B4GALT2: variants seen among roughly 807,000 people sequenced by gnomAD.
The protein encoded by B4GALT2 is beta-1,4-galactosyltransferase 2.
B4GALT2 carries 18 observed loss-of-function variants against 33.2 expected under a neutral mutation model. The observed-to-expected ratio is 0.54, with a 90% CI of 0.38 to 0.80. The LOEUF is 0.80. B4GALT2 is among the 30% of genes least tolerant of loss of function. The probability of loss-of-function intolerance (pLI) is 0.00; values close to 1 mark genes in which losing one functional copy is unlikely to be tolerated. For synonymous variants in B4GALT2, 214 were observed against 217.6 expected, an observed-to-expected ratio of 0.98 and a Z score of 0.15; for missense variants, 404 against 526.2, an observed-to-expected ratio of 0.77 and a Z score of 2.27.
chr1:43,980,228 C>T, intron 1 of B4GALT2: 1 of 646,034 alleles, frequency 1.5e-6, no homozygotes, highest in Non-Finnish European at 2.4e-6. Flanking sequence ...GGAACCACAG[C>T]TGGAGCCATC....
At chr1:43,985,713 A>G in intron 6 of B4GALT2, 92 bp downstream of exon 6, 1 of 1,219,566 alleles carries the variant, frequency 8.2e-7, no homozygotes, top group Non-Finnish European at 1.2e-6. Context: ...CTGATCCCCC[A>G]GTGGGGGACC....
At chr1:43,980,040 CTTGT>C (rs978307008) in intron 1 of B4GALT2, 3 of 1,515,212 alleles carry the variant, frequency 2.0e-6, no homozygotes, top group African/African-American at 2.8e-5. Flanking sequence ...GAGCAGTGGC[CTTGT>C]TTGTGAGTGT....
chr1:43,985,429 TGGGTGGGGGG>T, intron 5 of B4GALT2, 29 bp downstream of exon 5: 1 of 184,688 alleles, frequency 5.4e-6, no homozygotes, highest in Non-Finnish European at 8.7e-6. Context: ...GGGAATAGGC[TGGGTGGGGGG>T]GGGAGGGGGG....
At chr1:43,986,066 G>A (rs542293401) in intron 6 of B4GALT2, 2 of 183,982 alleles carry the variant, frequency 1.1e-5, no homozygotes, top group South Asian at 2.2e-4. Flanking sequence ...ATGGGAAGGG[G>A]GTGTGGAAAG....
rs1273893059 is a variant in B4GALT2 at position 43,990,829 on chromosome 1, G to A, written c.*381G>A. The A allele has an allele frequency of 1.2e-5, 3 of 247,606 alleles. No individual in the cohort carries two copies. The highest frequency in any genetic ancestry group is 2.4e-5 in the Non-Finnish European group (3 of 124,124). The allele number at this position is 247,606 out of a possible 1,614,324, so 15.3% of individuals were successfully genotyped here. A position where few individuals can be genotyped will look rare whatever the true frequency, so the allele number is the denominator to read the frequency against. On this transcript the variant is annotated 3_prime_UTR_variant, in exon 7 of 7. Coordinates refer to ENST00000372324, the MANE Select transcript of B4GALT2 (RefSeq NM_003780.5). ...CCCCTAGGGCCTGGAAGGGTGGGAGGTATGTCTAGGGGGCAGTGTCTCTTC... is the reference window on the plus strand; with the variant it reads ...CCCCTAGGGCCTGGAAGGGTGGGAGATATGTCTAGGGGGCAGTGTCTCTTC...
chr1:43,981,256 T>C lies in B4GALT2; in HGVS notation c.96T>C (p.Phe32=), dbSNP rs376991548. ...TCCTCGTGGCCGTCATCCTCTACTT[T>C]GACGTCTACGCCCAGCACCTGGCCT... ...LHFLVAVILY[F]DVYAQHLAFF... Residue 32 remains phenylalanine (F), a synonymous_variant, in exon 2 of 7, where the codon TTT becomes TTC. Coordinates refer to ENST00000372324, the MANE Select transcript of B4GALT2 (RefSeq NM_003780.5). The surrounding 1 kb of genome is among the most constrained non-coding windows in gnomAD (Gnocchi z 8.1). The C allele has an allele frequency of 3.1e-6, 5 of 1,606,862 alleles. No homozygotes were observed. The highest frequency in any genetic ancestry group is 3.4e-6 in the Non-Finnish European group (4 of 1,179,894).
Position 43,990,623 on chromosome 1 carries a change from C to A in B4GALT2, c.*175C>A. 2.2e-6 allele frequency: 2 copies of A among 889,140 alleles called. No individual in the cohort carries two copies. Among genetic ancestry groups the A allele is most frequent in the Non-Finnish European group, 3.3e-6 (2 of 597,754 alleles). 55.1% of individuals were successfully genotyped at this position (889,140 alleles called of 1,614,324 possible). Reference sequence around the variant, plus strand: ...AAGTTTCAGAACCCACTTTGGGGGGCCTCCTGCCTGGGCAGGCTCTTCAAG... The same window carrying A: ...AAGTTTCAGAACCCACTTTGGGGGGACTCCTGCCTGGGCAGGCTCTTCAAG... On this transcript the variant is annotated 3_prime_UTR_variant, in exon 7 of 7. Transcript: ENST00000372324.
chr1:43,984,715 G>C lies in B4GALT2; in HGVS notation c.550-150G>C. On this transcript the variant is annotated intron_variant, in intron 3 of 6. Transcript: ENST00000372324. This position sits in a 1 kb window ranked among gnomAD's most constrained non-coding sequence, Gnocchi z 5.6. ...GAAAGGCCTTTGTAGGCCAGATCCCGGTCGAGAAGCTGGACTAGATCCTGA... is the reference window on the plus strand; with the variant it reads ...GAAAGGCCTTTGTAGGCCAGATCCCCGTCGAGAAGCTGGACTAGATCCTGA... 1.2e-6 allele frequency: 1 copy of C among 829,610 alleles called. No individual in the cohort carries two copies. Among genetic ancestry groups the C allele is most frequent in the Non-Finnish European group, 1.8e-6 (1 of 545,646 alleles). The allele number at this position is 829,610 out of a possible 1,614,324, so 51.4% of individuals were successfully genotyped here.
Position 43,981,339 on chromosome 1 carries a change from G to A in B4GALT2, c.179G>A (p.Ser60Asn). The change falls in exon 2 of 7, where the codon AGC (serine) becomes AAC (asparagine). Residue 60 changes from serine (S) to asparagine (N), a missense_variant. By Grantham distance (46) the Ser-to-Asn change is conservative. Coordinates refer to ENST00000372324, the MANE Select transcript of B4GALT2 (RefSeq NM_003780.5). This position sits in a 1 kb window ranked among gnomAD's most constrained non-coding sequence, Gnocchi z 8.1. ...PAHALHPAAS[S>N]SSSSSNCSRP... ...CATGCCCTCCACCCAGCTGCTAGCAGCAGCAGCAGCAGCAGCAACTGCTCC... is the reference window on the plus strand; with the variant it reads ...CATGCCCTCCACCCAGCTGCTAGCAACAGCAGCAGCAGCAGCAACTGCTCC... The A allele has an allele frequency of 6.3e-7, 1 of 1,599,998 alleles. No homozygotes were observed. Among genetic ancestry groups the A allele is most frequent in the Non-Finnish European group, 8.5e-7 (1 of 1,179,742 alleles).
At chr1:43,988,553 G>A (rs191165940) in intron 6 of B4GALT2, among the ~76,000 whole-genome samples, 3 of 151,978 alleles carry the variant, frequency 2.0e-5, no homozygotes, top group East Asian at 3.9e-4. Context: ...CCACCTACTC[G>A]GGAGGCTGAG....
Position 43,981,782 on chromosome 1 carries a change from C to T in B4GALT2, c.407C>T (p.Pro136Leu), listed in dbSNP as rs1176361432. Residue 136 changes from proline (P) to leucine (L), a missense_variant, in exon 3 of 7, where the codon CCG (proline) becomes CTG (leucine). Physicochemically the swap from Pro to Leu is moderately conservative, Grantham distance 98. Transcript: ENST00000372324. The surrounding 1 kb of genome is among the most constrained non-coding windows in gnomAD (Gnocchi z 8.1). ...PGVLMGGRYT[P>L]PDCTPAQTVA... is the part of the protein sequence containing the mutation. ...GTGCTCATGGGCGGCCGATACACACCGCCCGACTGCACCCCAGCCCAGACG... is the reference window on the plus strand; with the variant it reads ...GTGCTCATGGGCGGCCGATACACACTGCCCGACTGCACCCCAGCCCAGACG... The T allele has an allele frequency of 1.9e-6, 3 of 1,613,554 alleles. No homozygotes were observed. The highest frequency in any genetic ancestry group is 1.7e-6 in the Non-Finnish European group (2 of 1,180,012).
At position 43,984,723 on chromosome 1, in the gene B4GALT2, A is replaced by G. The variant is rs1462693686; in HGVS notation, c.550-142A>G. ...TTTGTAGGCCAGATCCCGGTCGAGA[A>G]GCTGGACTAGATCCTGAGAGCCTGG... is the stretch of plus-strand genomic sequence containing the variant. On this transcript the variant is annotated intron_variant, in intron 3 of 6. Coordinates refer to ENST00000372324, the MANE Select transcript of B4GALT2 (RefSeq NM_003780.5). This position sits in a 1 kb window ranked among gnomAD's most constrained non-coding sequence, Gnocchi z 5.6. 1.1e-6 allele frequency: 1 copy of G among 874,224 alleles called. No homozygotes were observed. Among genetic ancestry groups the G allele is most frequent in the Non-Finnish European group, 1.7e-6 (1 of 584,408 alleles). The allele number at this position is 874,224 out of a possible 1,614,324, so 54.2% of individuals were successfully genotyped here. A position where few individuals can be genotyped will look rare whatever the true frequency, so the allele number is the denominator to read the frequency against.
intron 3 of B4GALT2, among the ~76,000 whole-genome samples, chr1:43,983,567 G>C (rs2085623995): frequency 1.3e-5 from 2 of 152,190 alleles, no homozygotes; most frequent in Admixed American, 1.3e-4. Flanking sequence ...GATTGCAGTG[G>C]GTTGAAGAAG....
rs998736636 is a variant in B4GALT2, at chr1:43,982,604, A to C, written c.549+680A>C. 3.3e-5 allele frequency among the ~76,000 whole-genome samples: 5 copies of C among 152,230 alleles called. No individual in the cohort carries two copies. The highest frequency in any genetic ancestry group is 7.3e-5 in the Non-Finnish European group (5 of 68,042). On this transcript the variant is annotated intron_variant, in intron 3 of 6. Coordinates refer to ENST00000372324, the MANE Select transcript of B4GALT2 (RefSeq NM_003780.5). This position sits in a 1 kb window ranked among gnomAD's most constrained non-coding sequence, Gnocchi z 4.3. ...CTAGGCAGAGGGACCTGGAGGATGCAGGGCCAGCAAGATAACTGGCCTCGT... is the reference window on the plus strand; with the variant it reads ...CTAGGCAGAGGGACCTGGAGGATGCCGGGCCAGCAAGATAACTGGCCTCGT...
Position 43,981,143 on chromosome 1 carries a change from C to T in B4GALT2, c.-18C>T. The T allele has an allele frequency of 6.3e-7, 1 of 1,597,068 alleles. No homozygotes were observed. On this transcript the variant is annotated 5_prime_UTR_variant, in exon 2 of 7. Transcript: ENST00000372324. The surrounding 1 kb of genome is among the most constrained non-coding windows in gnomAD (Gnocchi z 8.1). ...CGGATGCCCGGGCCCACTGGGCGGGCCAGTGGCCGCCTGCGGGATGAGCAG... is the reference window on the plus strand; with the variant it reads ...CGGATGCCCGGGCCCACTGGGCGGGTCAGTGGCCGCCTGCGGGATGAGCAG...
Position 43,981,044 on chromosome 1 carries a change from T to C in B4GALT2, c.-52-65T>C. The C allele has an allele frequency of 2.0e-6, 3 of 1,465,620 alleles. No individual in the cohort carries two copies. Among genetic ancestry groups the C allele is most frequent in the East Asian group, 2.5e-5 (1 of 40,100 alleles). 90.8% of individuals were successfully genotyped at this position (1,465,620 alleles called of 1,614,324 possible). A position where few individuals can be genotyped will look rare whatever the true frequency, so the allele number is the denominator to read the frequency against. The stretch of plus-strand genomic sequence containing the variant: ...CGAGTGTGAGCAGCTGAGTGGGAGG[T>C]AGGTGGGCAGCCTTGCCTGTCCTGC... On this transcript the variant is annotated intron_variant, in intron 1 of 6. Coordinates refer to ENST00000372324, the MANE Select transcript of B4GALT2 (RefSeq NM_003780.5). This position sits in a 1 kb window ranked among gnomAD's most constrained non-coding sequence, Gnocchi z 8.1.
chr1:43,990,471 G>C lies in B4GALT2; in HGVS notation c.*23G>C, dbSNP rs748659157. On this transcript the variant is annotated 3_prime_UTR_variant, in exon 7 of 7. Coordinates refer to ENST00000372324, the MANE Select transcript of B4GALT2 (RefSeq NM_003780.5). ...TGACACTAATGGACAGAGGCTCTCG[G>C]TGCCGAAGATTGCCTGCCAGAGGAC... 1.5e-5 allele frequency: 25 copies of C among 1,613,588 alleles called. No homozygotes were observed. The highest frequency in any genetic ancestry group is 1.9e-5 in the Non-Finnish European group (23 of 1,179,954).
At position 43,979,980 on chromosome 1, in the gene B4GALT2, T is replaced by C. The variant is rs1011468571; in HGVS notation, c.-53+469T>C. The C allele has an allele frequency of 4.3e-5, 66 of 1,527,420 alleles. No homozygotes were observed. The highest frequency in any genetic ancestry group is 5.7e-5 in the Non-Finnish European group (65 of 1,142,738). 94.6% of individuals were successfully genotyped at this position (1,527,420 alleles called of 1,614,324 possible). A position where few individuals can be genotyped will look rare whatever the true frequency, so the allele number is the denominator to read the frequency against. On this transcript the variant is annotated intron_variant, in intron 1 of 6. Coordinates refer to ENST00000372324, the MANE Select transcript of B4GALT2 (RefSeq NM_003780.5). The surrounding 1 kb of genome is among the most constrained non-coding windows in gnomAD (Gnocchi z 4.8). ...GAGGGTGGGAATGTCTGCACGTGGGTCTGGGTGTGAGCTGTCTGAGAGTCT... is the reference window on the plus strand; with the variant it reads ...GAGGGTGGGAATGTCTGCACGTGGGCCTGGGTGTGAGCTGTCTGAGAGTCT...
At chr1:43,987,865 C>T (rs905259336) in intron 6 of B4GALT2, among the ~76,000 whole-genome samples, 5 of 152,212 alleles carry the variant, frequency 3.3e-5, no homozygotes, top group African/African-American at 1.2e-4. Context: ...AATCTTATTC[C>T]CAATTTAGGG....
Sources: allele counts gnomAD v4.1 joint callset (sites outside exome capture counted in the v4.1 genomes callset), GRCh38; gene constraint gnomAD v4.1.1; non-coding constraint Gnocchi (gnomAD v3.1); transcripts MANE v1.5; gene names NCBI Gene and HGNC (gene_info 2026-07-23, HGNC 2026-07-21).